Variants in SNTB1 observed in about 807,000 individuals in gnomAD.
The protein encoded by SNTB1 is beta-1-syntrophin.
Under a neutral mutation model 48.9 loss-of-function variants are expected in SNTB1, and 36 were observed. That is an observed-to-expected ratio of 0.74 (90% CI 0.56 to 0.97). The LOEUF (loss-of-function observed/expected upper bound fraction) is 0.97. Among genes scored for constraint, SNTB1 ranks in the 50% least tolerant of loss-of-function variants. The pLI is 0.00. For missense variants in SNTB1, 786 were observed against 703.4 expected (o/e 1.12, Z -1.33); for synonymous variants, 299 against 294.6 (o/e 1.01, Z -0.15).
intron 1 of SNTB1, among the ~76,000 whole-genome samples, chr8:120,778,876 T>C (rs778892641): frequency 4.6e-5 from 7 of 152,236 alleles, no homozygotes; most frequent in Non-Finnish European, 7.3e-5. Flanking sequence ...ATTTCACCTA[T>C]ATCAGAAGGA....
chr8:120,578,454 T>C (rs1289872982), intron 3 of SNTB1, among the ~76,000 whole-genome samples: 1 of 152,218 alleles, frequency 6.6e-6, no homozygotes, highest in African/African-American at 2.4e-5. Context: ...TATTCTGATA[T>C]GAATACGACA....
intron 3 of SNTB1, among the ~76,000 whole-genome samples, chr8:120,583,052 T>G (rs1284303706): frequency 2.0e-5 from 3 of 152,136 alleles, no homozygotes; most frequent in Non-Finnish European, 4.4e-5. Flanking sequence ...GAGAATTGCT[T>G]AAGGCCAGGT....
rs548683889 is a variant in SNTB1, at chr8:120,761,989, T to C, written c.571+49284A>G. Among the ~76,000 whole-genome samples the C allele has an allele frequency of 1.9e-4, 29 of 152,290 alleles. 2 individuals are homozygous for C. In the South Asian group the frequency reaches 5.8e-3, roughly 30 times the overall value. On this transcript the variant is annotated intron_variant, in intron 1 of 6. Coordinates refer to ENST00000517992, the MANE Select transcript of SNTB1 (RefSeq NM_021021.4). ...TAAAGCCACTGGAAGAGGGCCAATATGATTCTTTACCAAAAATGTCTCTGA... is the reference window on the plus strand; with the variant it reads ...TAAAGCCACTGGAAGAGGGCCAATACGATTCTTTACCAAAAATGTCTCTGA...
intron 4 of SNTB1, among the ~76,000 whole-genome samples, chr8:120,553,602 A>G (rs1432631266): frequency 6.6e-6 from 1 of 152,226 alleles, no homozygotes; most frequent in Non-Finnish European, 1.5e-5. Flanking sequence ...AGCTCTGTAA[A>G]TGTAACTCAA....
chr8:120,801,249 C>A (rs548815708), intron 1 of SNTB1, among the ~76,000 whole-genome samples: 1 of 151,994 alleles, frequency 6.6e-6, no homozygotes, highest in African/African-American at 2.4e-5. Context: ...CTCAAAGAAC[C>A]AAATAATTAC....
At position 120,610,414 on chromosome 8, in the gene SNTB1, G is replaced by A. The variant is rs369797340; in HGVS notation, c.996+22030C>T. On this transcript the variant is annotated intron_variant, in intron 3 of 6. Transcript: ENST00000517992. ...CTCCCAAAGTGCTGGGATTACGGGC[G>A]TGAGCCACTGCACCCGGCCCTGATT... Among the ~76,000 whole-genome samples the A allele has an allele frequency of 3.3e-5, 5 of 152,180 alleles. No individual in the cohort carries two copies. In the East Asian group the frequency reaches 5.8e-4, roughly 18 times the overall value.
Position 120,541,935 on chromosome 8 carries a change from T to C in SNTB1, c.1399A>G (p.Thr467Ala), listed in dbSNP as rs765729383. The change falls in exon 6 of 7, where the codon ACT (threonine) becomes GCT (alanine). Residue 467 changes from threonine to alanine, a missense_variant. Transcript: ENST00000517992. Reference sequence around the variant, plus strand: ...GGAAAGGCACCCTCCTGTGGTTCAGTGGTAATAGAAAATCCATTCTCATAA... The same window carrying C: ...GGAAAGGCACCCTCCTGTGGTTCAGCGGTAATAGAAAATCCATTCTCATAA... Reference protein sequence around the residue: ...IHYENGFSITTEPQEGAFPKT... With the variant: ...IHYENGFSITAEPQEGAFPKT... 5.0e-6 allele frequency: 8 copies of C among 1,613,840 alleles called. No homozygotes were observed. The African/African-American group carries it at 9.4e-5, about 19-fold the overall frequency.
intron 2 of SNTB1, among the ~76,000 whole-genome samples, chr8:120,687,516 C>T (rs1041985240): frequency 3.3e-5 from 5 of 152,128 alleles, no homozygotes; most frequent in Non-Finnish European, 7.4e-5. Context: ...CAAGGCTCTC[C>T]CCATCCTGGA....
At chr8:120,605,915 G>A (rs555635779) in intron 3 of SNTB1, among the ~76,000 whole-genome samples, 4 of 152,042 alleles carry the variant, frequency 2.6e-5, no homozygotes, top group Admixed American at 6.6e-5. Context: ...GACAAAAAGG[G>A]GCCTGTTCTG....
intron 3 of SNTB1, among the ~76,000 whole-genome samples, chr8:120,610,817 C>T (rs1382924987): frequency 1.3e-5 from 2 of 152,154 alleles, no homozygotes; most frequent in Non-Finnish European, 2.9e-5. Context: ...CTGGTGCCCG[C>T]TGTGATCAAT....
At chr8:120,682,608 A>G (rs1484511035) in intron 2 of SNTB1, among the ~76,000 whole-genome samples, 1 of 152,202 alleles carries the variant, frequency 6.6e-6, no homozygotes, top group Non-Finnish European at 1.5e-5. Context: ...TAAGGCTAAC[A>G]TCACCTCTTT....
intron 4 of SNTB1, among the ~76,000 whole-genome samples, chr8:120,550,655 G>T (rs1322997899): frequency 6.6e-6 from 1 of 152,142 alleles, no homozygotes; most frequent in Non-Finnish European, 1.5e-5. Flanking sequence ...CACACAAGGG[G>T]ATTTAACATG....
At chr8:120,660,639 T>G (rs573590978) in intron 2 of SNTB1, among the ~76,000 whole-genome samples, 2 of 152,354 alleles carry the variant, frequency 1.3e-5, no homozygotes, top group East Asian at 3.9e-4. Context: ...CACTTTTGGT[T>G]TCCTTCAAAA....
intron 3 of SNTB1, among the ~76,000 whole-genome samples, chr8:120,620,908 T>A (rs113992675): frequency 0.08 from 8,847 of 109,992 alleles, 356 homozygotes; most frequent in South Asian, 0.22. Flanking sequence ...CATCCTTCCC[T>A]CTCTTCCTCC....
At chr8:120,648,996 G>A (rs1216962614) in intron 2 of SNTB1, among the ~76,000 whole-genome samples, 9 of 149,180 alleles carry the variant, frequency 6.0e-5, no homozygotes, top group Non-Finnish European at 8.9e-5. Context: ...CGTAGTTCTC[G>A]AGCCTTGGTT....
At chr8:120,590,178 G>T (rs529826643) in intron 3 of SNTB1, among the ~76,000 whole-genome samples, 1 of 152,208 alleles carries the variant, frequency 6.6e-6, no homozygotes, top group South Asian at 2.1e-4. Flanking sequence ...AATAGGAAAT[G>T]ATATAAGTGT....
chr8:120,651,511 C>A (rs558982751), intron 2 of SNTB1, among the ~76,000 whole-genome samples: 1 of 152,304 alleles, frequency 6.6e-6, no homozygotes, highest in South Asian at 2.1e-4. Flanking sequence ...TTTCTCATAG[C>A]CTGAGCTAAT....
At chr8:120,584,096 T>C (rs1816094846) in intron 3 of SNTB1, among the ~76,000 whole-genome samples, 1 of 152,104 alleles carries the variant, frequency 6.6e-6, no homozygotes, top group African/African-American at 2.4e-5. Context: ...GGTGGATCAC[T>C]TGAGGTCAAG....
In SNTB1 at chr8:120,811,300, G is replaced by A. The variant is rs1380944898; in HGVS notation, c.544C>T (p.Arg182Cys). ...TCCAGCAGCACTTCCTTGCCCGCGCGCTTCAACGCCTGCACCGCCTCGTCG... is the reference window on the plus strand; with the variant it reads ...TCCAGCAGCACTTCCTTGCCCGCGCACTTCAACGCCTGCACCGCCTCGTCG... ...THDEAVQALKRAGKEVLLEVK... is the reference protein window; with the variant it reads ...THDEAVQALKCAGKEVLLEVK... Residue 182 changes from arginine to cysteine, a missense_variant, in exon 1 of 7, where the codon CGC (arginine) becomes TGC (cysteine). Physicochemically the swap from Arg to Cys is radical, Grantham distance 180 (BLOSUM62 -3). Transcript: ENST00000517992. 1 of 1,606,456 alleles carries A rather than the reference G, an allele frequency of 6.2e-7. No individual in the cohort carries two copies. Among genetic ancestry groups the A allele is most frequent in the African/African-American group, 1.3e-5 (1 of 74,894 alleles).
Sources: gnomAD v4.1 joint callset for allele counts (sites outside exome capture counted in the v4.1 genomes callset) on GRCh38, gnomAD v4.1.1 for gene constraint, MANE v1.5 for transcripts, NCBI Gene and HGNC (gene_info 2026-07-23, HGNC 2026-07-21) for gene names.